VAV2: variants seen among roughly 807,000 people sequenced by gnomAD.
VAV2 encodes guanine nucleotide exchange factor VAV2.
In VAV2, 67 loss-of-function variants were observed where a neutral mutation model predicts 132.5. That is an observed-to-expected ratio of 0.51 (90% CI 0.42 to 0.62). The LOEUF (loss-of-function observed/expected upper bound fraction) is 0.62. VAV2 is among the 20% of genes least tolerant of loss of function. The pLI is 0.00. For synonymous variants in VAV2, 492 were observed against 443.5 expected, an observed-to-expected ratio of 1.11 and a Z score of -1.37; for missense variants, 938 against 1,153.6, an observed-to-expected ratio of 0.81 and a Z score of 2.71.
At position 133,883,008 on chromosome 9, in the gene VAV2, T is replaced by C. The variant is rs1260570017; in HGVS notation, c.322-21576A>G. Among the ~76,000 whole-genome samples, 1 of 152,124 alleles carries C rather than the reference T, an allele frequency of 6.6e-6. No individual in the cohort carries two copies. The highest frequency in any genetic ancestry group is 6.5e-5 in the Admixed American group (1 of 15,276). On this transcript the variant is annotated intron_variant, in intron 2 of 29. Transcript: ENST00000371850. The surrounding 1 kb of genome is among the most constrained non-coding windows in gnomAD (Gnocchi z 4.2). Reference sequence around the variant, plus strand: ...CCTCTGGCACCCTGGGTTCGGGATGTGGGCCCCACACCCACCCCATGCCAG... The same window carrying C: ...CCTCTGGCACCCTGGGTTCGGGATGCGGGCCCCACACCCACCCCATGCCAG...
At chr9:133,770,357 C>T in intron 27 of VAV2, 21 bp downstream of exon 27, 1 of 1,613,270 alleles carries the variant, frequency 6.2e-7, no homozygotes, top group Non-Finnish European at 8.5e-7. Flanking sequence ...TGCTGGTGTG[C>T]CGGCTGGGCC....
At chr9:133,966,706 CAT>C (rs1337707911) in intron 1 of VAV2, among the ~76,000 whole-genome samples, 3 of 149,388 alleles carry the variant, frequency 2.0e-5, no homozygotes, top group Non-Finnish European at 4.5e-5. Flanking sequence ...ACTCAAAAAA[CAT>C]AAAAAATTTA....
chr9:133,906,996 C>T (rs1217813079), intron 2 of VAV2, among the ~76,000 whole-genome samples: 2 of 152,218 alleles, frequency 1.3e-5, no homozygotes, highest in African/African-American at 4.8e-5. Flanking sequence ...GAGTGATGGC[C>T]GCTATGCTGC....
intron 2 of VAV2, among the ~76,000 whole-genome samples, chr9:133,914,040 C>A (rs914751922): frequency 6.6e-6 from 1 of 152,234 alleles, no homozygotes; most frequent in African/African-American, 2.4e-5. Flanking sequence ...CGTAAACCAA[C>A]AAGCAACCAA....
At position 133,834,657 on chromosome 9, in the gene VAV2, C is replaced by T. The variant is rs982900979; in HGVS notation, c.381-317G>A. On this transcript the variant is annotated intron_variant, in intron 3 of 29. Transcript: ENST00000371850. This position sits in a 1 kb window ranked among gnomAD's most constrained non-coding sequence, Gnocchi z 5.9. ...CTGCAGAAAGCGTTCATCTGCTGGGCGACCTGCCTTCCCCTTTACCCACCC... is the reference window on the plus strand; with the variant it reads ...CTGCAGAAAGCGTTCATCTGCTGGGTGACCTGCCTTCCCCTTTACCCACCC... Among the ~76,000 whole-genome samples, 3 of 152,258 alleles carry T rather than the reference C, an allele frequency of 2.0e-5. No homozygotes were observed. The highest frequency in any genetic ancestry group is 1.9e-4 in the East Asian group (1 of 5,190).
rs546798925 is a variant in VAV2, at chr9:133,943,625, C to T, written c.205-4406G>A. ...GTGACAAGGGTCCCAGGGCTGAGTG[C>T]CCTCTCCCCCAGGCTGGCGGCTATG... On this transcript the variant is annotated intron_variant, in intron 1 of 29. Transcript: ENST00000371850. Among the ~76,000 whole-genome samples, 4 of 152,298 alleles carry T rather than the reference C, an allele frequency of 2.6e-5. No individual in the cohort carries two copies. In the East Asian group the frequency reaches 7.8e-4, roughly 30 times the overall value.
intron 21 of VAV2, among the ~76,000 whole-genome samples, chr9:133,779,584 T>C (rs10993798): frequency 0.026 from 3,926 of 152,288 alleles, 76 homozygotes; most frequent in African/African-American, 0.054. Flanking sequence ...AGGAAGGGGA[T>C]GGAGAACGTG....
intron 22 of VAV2, 27 bp from the exon 23 acceptor site, chr9:133,777,490 C>T (rs377397335): frequency 1.9e-6 from 3 of 1,611,042 alleles, no homozygotes; most frequent in Non-Finnish European, 2.5e-6. Flanking sequence ...ATGGTTAGGA[C>T]AAGGGGGCCG....
intron 29 of VAV2, among the ~76,000 whole-genome samples, chr9:133,766,798 A>G (rs2131558845): frequency 7.2e-6 from 1 of 138,618 alleles, no homozygotes; most frequent in South Asian, 2.2e-4. Flanking sequence ...CCCAAAAACA[A>G]AAAAACAAAA....
intron 2 of VAV2, among the ~76,000 whole-genome samples, chr9:133,925,280 A>C (rs1416381524): frequency 6.6e-6 from 1 of 152,132 alleles, no homozygotes; most frequent in African/African-American, 2.4e-5. Context: ...GCAGTGGCAC[A>C]ATCTTGGGAC....
At position 133,800,861 on chromosome 9, in the gene VAV2, C is replaced by T. The variant is rs545221774; in HGVS notation, c.837-3052G>A. On this transcript the variant is annotated intron_variant, in intron 9 of 29. Coordinates refer to ENST00000371850, the MANE Select transcript of VAV2 (RefSeq NM_001134398.2). ...GCAGCCTTCTCCACCTGGCAAACTT[C>T]TACTCGTCTGTCAAAACTCTTCCCT... is the stretch of plus-strand genomic sequence containing the variant. Among the ~76,000 whole-genome samples, 7 of 152,380 alleles carry T rather than the reference C, an allele frequency of 4.6e-5. No homozygotes were observed. In the South Asian group the frequency reaches 1.4e-3, roughly 32 times the overall value.
At chr9:133,968,798 G>A (rs1842231150) in intron 1 of VAV2, among the ~76,000 whole-genome samples, 1 of 152,190 alleles carries the variant, frequency 6.6e-6, no homozygotes, top group Admixed American at 6.5e-5. Context: ...CCTGTCCCCA[G>A]CTCAGATCTG....
At chr9:133,786,012 G>T in intron 16 of VAV2, 127 bp from the exon 17 acceptor site, 1 of 828,262 alleles carries the variant, frequency 1.2e-6, no homozygotes, top group Non-Finnish European at 2.0e-6. Flanking sequence ...AGGTGCCTGT[G>T]CCTGTGTGAA....
At chr9:133,974,769 C>CCAGCA (rs1842452656) in intron 1 of VAV2, among the ~76,000 whole-genome samples, 2 of 151,310 alleles carry the variant, frequency 1.3e-5, no homozygotes, top group Non-Finnish European at 3.0e-5. Flanking sequence ...TAGGTCACGC[C>CCAGCA]CTGCACCCAG....
chr9:133,990,265 C>T (rs1479356414), intron 1 of VAV2, among the ~76,000 whole-genome samples: 1 of 152,152 alleles, frequency 6.6e-6, no homozygotes, highest in African/African-American at 2.4e-5. Flanking sequence ...AGCAGCGGGA[C>T]CCCTAGACAC....
rs1838675330 is a variant in VAV2 at position 133,885,667 on chromosome 9, C to T, written c.322-24235G>A. Among the ~76,000 whole-genome samples the T allele has an allele frequency of 6.6e-6, 1 of 152,188 alleles. No homozygotes were observed. The highest frequency in any genetic ancestry group is 1.5e-5 in the Non-Finnish European group (1 of 68,036). ...GCCCCCACCTCCAATTTCCATCTAA[C>T]AGCTCTGAAATGACTGGACTCTGCA... On this transcript the variant is annotated intron_variant, in intron 2 of 29. Coordinates refer to ENST00000371850, the MANE Select transcript of VAV2 (RefSeq NM_001134398.2). The surrounding 1 kb of genome is among the most constrained non-coding windows in gnomAD (Gnocchi z 5.0).
chr9:133,987,206 C>A (rs1385937349), intron 1 of VAV2, among the ~76,000 whole-genome samples: 1 of 152,116 alleles, frequency 6.6e-6, no homozygotes, highest in Non-Finnish European at 1.5e-5. Flanking sequence ...CCTTCACACT[C>A]TCCAGCTGTC....
Position 133,785,797 on chromosome 9 carries a change from A to G in VAV2, c.1511T>C (p.Met504Thr). The G allele has an allele frequency of 1.9e-6, 3 of 1,613,948 alleles. No homozygotes were observed. The highest frequency in any genetic ancestry group is 1.3e-5 in the African/African-American group (1 of 75,038). ...TCACATGGCCATCTCAAACTGCTCC[A>G]TCCACTTCCTCTTCATATCTTCTGT... ...CKTEDMKRKW[M>T]EQFEMAMSNI... The change falls in exon 17 of 30, where the codon ATG becomes ACG. Residue 504 changes from methionine to threonine, a missense_variant. By Grantham distance (81) the Met-to-Thr change is moderately conservative (BLOSUM62 -1). Transcript: ENST00000371850.
At chr9:133,981,713 G>C (rs1208870894) in intron 1 of VAV2, among the ~76,000 whole-genome samples, 3 of 152,264 alleles carry the variant, frequency 2.0e-5, no homozygotes, top group African/African-American at 7.2e-5. Context: ...GATGCTATGT[G>C]TGGCCAAGCG....
Sources: allele counts gnomAD v4.1 joint callset (sites outside exome capture counted in the v4.1 genomes callset), GRCh38; gene constraint gnomAD v4.1.1; non-coding constraint Gnocchi (gnomAD v3.1); transcripts MANE v1.5; gene names NCBI Gene and HGNC (gene_info 2026-07-23, HGNC 2026-07-21).